Variants in UGT1A9 observed in about 807,000 individuals in gnomAD.
UGT1A9 encodes the protein UDP glucuronosyltransferase family 1 member A9.
UGT1A9 carries 35 observed loss-of-function variants against 45.0 expected under a neutral mutation model. The observed-to-expected ratio is 0.78, with a 90% CI of 0.59 to 1.03. The LOEUF is 1.03. UGT1A9 is among the 50% of genes least tolerant of loss of function. The pLI, the probability that UGT1A9 is intolerant of heterozygous loss-of-function variation, is 0.00. For synonymous variants in UGT1A9, 278 were observed against 250.6 expected (o/e 1.11, Z -1.03); for missense variants, 687 against 666.6 (o/e 1.03, Z -0.34).
In UGT1A9 at chr2:233,672,340, T is replaced by A. The variant is rs374130776; in HGVS notation, c.406T>A (p.Tyr136Asn). The A allele has an allele frequency of 6.2e-7, 1 of 1,614,050 alleles. No homozygotes were observed. The highest frequency in any genetic ancestry group is 1.3e-5 in the African/African-American group (1 of 74,948). Residue 136 changes from tyrosine (Y) to asparagine (N), a missense_variant, in exon 1 of 5, where the codon TAC (tyrosine) becomes AAC (asparagine). Coordinates refer to ENST00000354728, the MANE Select transcript of UGT1A9 (RefSeq NM_021027.3). ...GTTTAAAGACAAAAAATTAGTAGAA[T>A]ACTTAAAGGAGAGTTCTTTTGATGC... ...SLFKDKKLVE[Y>N]LKESSFDAVF...
At chr2:233,715,915 T>G (rs2076477324) in intron 1 of UGT1A9, among the ~76,000 whole-genome samples, 1 of 152,210 alleles carries the variant, frequency 6.6e-6, no homozygotes, top group Admixed American at 6.5e-5. Context: ...GGAGGATCAT[T>G]GAGCTCAGGA....
chr2:233,691,572 C>T, intron 1 of UGT1A9: 1 of 985,674 alleles, frequency 1.0e-6, no homozygotes, highest in Non-Finnish European at 1.2e-6. Flanking sequence ...CCACCTCTCA[C>T]TGGGACAGCC....
chr2:233,719,346 A>C (rs45540231), intron 1 of UGT1A9: 4 of 1,613,698 alleles, frequency 2.5e-6, no homozygotes, highest in Non-Finnish European at 3.4e-6. Flanking sequence ...TTGGAGGTAC[A>C]TTCCATGTGA....
At chr2:233,686,034 T>C (rs1448125769) in intron 1 of UGT1A9, among the ~76,000 whole-genome samples, 1 of 152,170 alleles carries the variant, frequency 6.6e-6, no homozygotes, top group Non-Finnish European at 1.5e-5. Context: ...GCCAAGAGCA[T>C]TGAAATGGCA....
chr2:233,730,328 C>T (rs1363766839), intron 1 of UGT1A9, among the ~76,000 whole-genome samples: 2 of 152,106 alleles, frequency 1.3e-5, no homozygotes, highest in African/African-American at 2.4e-5. Context: ...AGGGACACTA[C>T]GTTTGGAACT....
intron 1 of UGT1A9, among the ~76,000 whole-genome samples, chr2:233,710,092 G>A (rs1054581335): frequency 6.6e-6 from 1 of 152,174 alleles, no homozygotes; most frequent in African/African-American, 2.4e-5. Flanking sequence ...ATTGTTGCAT[G>A]TATCAATATT....
At chr2:233,706,117 G>A (rs1319655081) in intron 1 of UGT1A9, among the ~76,000 whole-genome samples, 1 of 151,994 alleles carries the variant, frequency 6.6e-6, no homozygotes, top group Non-Finnish European at 1.5e-5. Flanking sequence ...AGAATTTCAG[G>A]ACACTGACAG....
chr2:233,719,241 C>T (rs754909283), intron 1 of UGT1A9: 36 of 1,614,058 alleles, frequency 2.2e-5, no homozygotes, highest in Middle Eastern at 3.3e-4. Flanking sequence ...GATCAGGCAC[C>T]TGAATGCTAC....
Position 233,767,315 on chromosome 2 carries a change from T to C in UGT1A9, c.987+150T>C, listed in dbSNP as rs1407711365. 9 of 1,492,214 alleles carry C rather than the reference T, an allele frequency of 6.0e-6. No individual in the cohort carries two copies. The East Asian group carries it at 1.9e-4, about 32-fold the overall frequency. The allele number at this position is 1,492,214 out of a possible 1,614,324, so 92.4% of individuals were successfully genotyped here. A position where few individuals can be genotyped will look rare whatever the true frequency, so the allele number is the denominator to read the frequency against. The stretch of plus-strand genomic sequence containing the variant: ...ACTATTAATCCAAAGGTTTTTTTTG[T>C]TGTTGTGGTTGTTGTCATTGTTTTC... On this transcript the variant is annotated intron_variant, in intron 2 of 4. Coordinates refer to ENST00000354728, the MANE Select transcript of UGT1A9 (RefSeq NM_021027.3).
chr2:233,755,339 G>A (rs2125934548), intron 1 of UGT1A9: 7 of 431,136 alleles, frequency 1.6e-5, no homozygotes, highest in South Asian at 1.2e-4. Flanking sequence ...CCGCGCACAG[G>A]TCAGAGGCTT....
At chr2:233,744,513 A>C (rs1259623883) in intron 1 of UGT1A9, among the ~76,000 whole-genome samples, 1 of 151,992 alleles carries the variant, frequency 6.6e-6, no homozygotes, top group Non-Finnish European at 1.5e-5. Context: ...CCCATGACAC[A>C]ATAGCAAATC....
chr2:233,717,344 G>A (rs187624404), intron 1 of UGT1A9, among the ~76,000 whole-genome samples: 9 of 152,242 alleles, frequency 5.9e-5, no homozygotes, highest in Admixed American at 2.0e-4. Context: ...CCCAGAAATC[G>A]TCCTCCCCTG....
Position 233,713,840 on chromosome 2 carries a change from C to T in UGT1A9, c.855+41051C>T, listed in dbSNP as rs149208140. The T allele has an allele frequency of 4.2e-3, 6,793 of 1,614,012 alleles. 23 individuals carry two copies. Among genetic ancestry groups the T allele is most frequent in the Non-Finnish European group, 5.2e-3 (6,094 of 1,179,958 alleles). On this transcript the variant is annotated intron_variant, in intron 1 of 4. Transcript: ENST00000354728. ...TCATTGGGGGCATCAACTGTGCCAA[C>T]GGGAAGCCACTATCTCAGGTCTGTA...
chr2:233,762,086 T>A (rs1422736816), intron 1 of UGT1A9, among the ~76,000 whole-genome samples: 1 of 152,194 alleles, frequency 6.6e-6, no homozygotes, highest in African/African-American at 2.4e-5. Context: ...CCATTTCACT[T>A]AGATAGTTGT....
intron 1 of UGT1A9, among the ~76,000 whole-genome samples, chr2:233,707,023 C>G (rs892519669): frequency 1.1e-4 from 16 of 152,136 alleles, no homozygotes; most frequent in African/African-American, 3.6e-4. Flanking sequence ...CATGGTCAGC[C>G]AGCCCCCAAG....
intron 1 of UGT1A9, chr2:233,718,931 T>C (rs1174557586): frequency 1.9e-6 from 3 of 1,614,130 alleles, no homozygotes; most frequent in Admixed American, 1.7e-5. Context: ...TGCCCACTGA[T>C]GGCAGCCCCT....
At chr2:233,737,500 C>T (rs2078887926) in intron 1 of UGT1A9, among the ~76,000 whole-genome samples, 1 of 152,232 alleles carries the variant, frequency 6.6e-6, no homozygotes, top group South Asian at 2.1e-4. Flanking sequence ...ATCCCTCACC[C>T]TCTTGCACTT....
intron 1 of UGT1A9, chr2:233,712,998 A>G: frequency 6.2e-7 from 1 of 1,613,488 alleles, no homozygotes; most frequent in Non-Finnish European, 8.5e-7. Context: ...TGAGATGGCC[A>G]CAGGACTCCA....
intron 1 of UGT1A9, chr2:233,681,879 A>C: frequency 6.5e-7 from 1 of 1,550,086 alleles, no homozygotes; most frequent in Non-Finnish European, 8.7e-7. Flanking sequence ...TACTTCTTCC[A>C]CTTACTATAT....
Sources: allele counts gnomAD v4.1 joint callset (sites outside exome capture counted in the v4.1 genomes callset), GRCh38; gene constraint gnomAD v4.1.1; transcripts MANE v1.5; gene names NCBI Gene and HGNC (gene_info 2026-07-23, HGNC 2026-07-21).